STAG1: variants seen among roughly 807,000 people sequenced by gnomAD.
STAG1 encodes cohesin subunit SA-1.
Under a neutral mutation model 170.9 loss-of-function variants are expected in STAG1, and 26 were observed. That is an observed-to-expected ratio of 0.15 (90% CI 0.11 to 0.21). The LOEUF is 0.21. Ranked by LOEUF, STAG1 falls within the 10% of genes least tolerant of loss-of-function variation. The pLI is 1.00. For synonymous variants in STAG1, 514 were observed against 497.7 expected (o/e 1.03, Z -0.44); for missense variants, 964 against 1,509.5 (o/e 0.64, Z 5.99).
At chr3:136,517,691 G>C (rs1405465405) in intron 7 of STAG1, among the ~76,000 whole-genome samples, 2 of 152,010 alleles carry the variant, frequency 1.3e-5, no homozygotes, top group African/African-American at 2.4e-5. Context: ...CCCAGTCTCA[G>C]ATTGTAAATC....
intron 9 of STAG1, among the ~76,000 whole-genome samples, chr3:136,477,993 T>C (rs2089799807): frequency 6.6e-6 from 1 of 152,036 alleles, no homozygotes; most frequent in Admixed American, 6.6e-5. Flanking sequence ...TTTCATCATA[T>C]TGGCCAGGGT....
intron 1 of STAG1, among the ~76,000 whole-genome samples, chr3:136,729,934 G>A (rs929518118): frequency 7.1e-6 from 1 of 140,638 alleles, no homozygotes; most frequent in Admixed American, 7.9e-5. Context: ...TGTTGCCCGA[G>A]CTGGAGTGCA....
At chr3:136,671,630 C>T (rs1276737755) in intron 1 of STAG1, among the ~76,000 whole-genome samples, 3 of 152,192 alleles carry the variant, frequency 2.0e-5, no homozygotes, top group African/African-American at 4.8e-5. Context: ...GGTGCAGTGG[C>T]ACACACCTGT....
At chr3:136,373,033 A>T (rs1224814950) in intron 23 of STAG1, among the ~76,000 whole-genome samples, 3 of 151,618 alleles carry the variant, frequency 2.0e-5, no homozygotes, top group Non-Finnish European at 2.9e-5. Context: ...AGAGCCTGTT[A>T]TTGGTCTATT....
intron 1 of STAG1, among the ~76,000 whole-genome samples, chr3:136,690,910 G>A (rs1942699744): frequency 6.6e-6 from 1 of 151,150 alleles, no homozygotes; most frequent in Admixed American, 6.7e-5. Context: ...TAATCTTTGA[G>A]CTACTGGATC....
At chr3:136,697,931 G>C (rs2107904514) in intron 1 of STAG1, among the ~76,000 whole-genome samples, 1 of 152,162 alleles carries the variant, frequency 6.6e-6, no homozygotes, top group African/African-American at 2.4e-5. Flanking sequence ...GGTGCATTTA[G>C]CAGAAGTCAG....
intron 1 of STAG1, among the ~76,000 whole-genome samples, chr3:136,677,914 T>C (rs867399839): frequency 7.5e-5 from 11 of 147,566 alleles, no homozygotes; most frequent in South Asian, 2.1e-4. Context: ...ATATTATATA[T>C]ATTTAGTACT....
At chr3:136,702,880 C>T (rs1323570760) in intron 1 of STAG1, among the ~76,000 whole-genome samples, 1 of 151,642 alleles carries the variant, frequency 6.6e-6, no homozygotes, top group African/African-American at 2.4e-5. Flanking sequence ...CCATCTTGGC[C>T]AACATGGTGA....
chr3:136,488,009 G>C lies in STAG1; in HGVS notation c.903-10597C>G, dbSNP rs113563681. ...AAGCAGAACCTACAACCCCAGCCAA[G>C]TCTTCAGATGACTTGGAGGATGCTT... On this transcript the variant is annotated intron_variant, in intron 9 of 33. Transcript: ENST00000383202. Among the ~76,000 whole-genome samples the C allele has an allele frequency of 5.0e-3, 762 of 152,350 alleles. 5 individuals are homozygous for C. Among genetic ancestry groups the C allele is most frequent in the Middle Eastern group, 0.014 (4 of 294 alleles).
chr3:136,645,723 C>T (rs772604800), intron 1 of STAG1, among the ~76,000 whole-genome samples: 10 of 152,180 alleles, frequency 6.6e-5, no homozygotes, highest in Admixed American at 6.5e-5. Context: ...TAGTCTCCTA[C>T]ACTCTGAATT....
At chr3:136,528,717 A>G (rs1935208612) in intron 6 of STAG1, among the ~76,000 whole-genome samples, 1 of 152,086 alleles carries the variant, frequency 6.6e-6, no homozygotes, top group Admixed American at 6.6e-5. Context: ...CGGGAGGCTG[A>G]GGTGAGTGGA....
intron 1 of STAG1, among the ~76,000 whole-genome samples, chr3:136,674,195 G>A (rs1576748188): frequency 1.4e-5 from 2 of 138,672 alleles, no homozygotes; most frequent in Non-Finnish European, 3.1e-5. Context: ...GGGAGGGAAG[G>A]AGGGAAGGAG....
At chr3:136,748,052 GGC>G (rs1434427627) in intron 1 of STAG1, among the ~76,000 whole-genome samples, 2 of 150,808 alleles carry the variant, frequency 1.3e-5, no homozygotes, top group Admixed American at 6.6e-5. Context: ...TGGGATTACA[GGC>G]GTGAGCCACC....
chr3:136,731,944 C>T (rs1400835141), intron 1 of STAG1, among the ~76,000 whole-genome samples: 1 of 152,112 alleles, frequency 6.6e-6, no homozygotes, highest in African/African-American at 2.4e-5. Context: ...ACACCTAGGT[C>T]TTCAAAACTA....
At chr3:136,346,709 AAT>A (rs1311851061) in intron 29 of STAG1, among the ~76,000 whole-genome samples, 1 of 152,388 alleles carries the variant, frequency 6.6e-6, no homozygotes, top group Admixed American at 6.5e-5. Flanking sequence ...GTGCTTTATA[AAT>A]ATGTCAAATA....
In STAG1 at chr3:136,556,202, G is replaced by A. The variant is rs142152151; in HGVS notation, c.394+12563C>T. The stretch of plus-strand genomic sequence containing the variant: ...TTCAGAAATAAATTTAATAACGGAC[G>A]TATAAGACCTTTTCACACATACATC... On this transcript the variant is annotated intron_variant, in intron 5 of 33. Coordinates refer to ENST00000383202, the MANE Select transcript of STAG1 (RefSeq NM_005862.3). Among the ~76,000 whole-genome samples, 199 of 152,210 alleles carry A rather than the reference G, an allele frequency of 1.3e-3. 1 individual carries two copies. Among genetic ancestry groups the A allele is most frequent in the African/African-American group, 4.4e-3 (182 of 41,522 alleles).
At chr3:136,633,329 T>C (rs1302262292) in intron 1 of STAG1, among the ~76,000 whole-genome samples, 1 of 151,542 alleles carries the variant, frequency 6.6e-6, no homozygotes, top group Non-Finnish European at 1.5e-5. Context: ...AGTAAAACTA[T>C]CCCTCAAGGG....
intron 21 of STAG1, among the ~76,000 whole-genome samples, chr3:136,416,514 G>T (rs558787729): frequency 6.6e-6 from 1 of 152,286 alleles, no homozygotes; most frequent in East Asian, 1.9e-4. Flanking sequence ...ATGAAACAGA[G>T]ATGTACTCTT....
In STAG1 at chr3:136,427,417, T is replaced by C. The variant is rs1284158961; in HGVS notation, c.1651-4373A>G. 2.0e-5 allele frequency among the ~76,000 whole-genome samples: 3 copies of C among 152,136 alleles called. No homozygotes were observed. In the East Asian group the frequency reaches 5.8e-4, roughly 29 times the overall value. On this transcript the variant is annotated intron_variant, in intron 16 of 33. Coordinates refer to ENST00000383202, the MANE Select transcript of STAG1 (RefSeq NM_005862.3). ...TGAACAGTTGGTCTCTCCAGTGAAT[T>C]GTGTATCATAGTCAAAAGTGATCTT...
Sources: gnomAD v4.1 joint callset for allele counts (sites outside exome capture counted in the v4.1 genomes callset) on GRCh38, gnomAD v4.1.1 for gene constraint, MANE v1.5 for transcripts, NCBI Gene and HGNC (gene_info 2026-07-23, HGNC 2026-07-21) for gene names.